Variants in HYCC1 observed in about 807,000 individuals in gnomAD.
The protein encoded by HYCC1 is hyccin PI4KA lipid kinase complex subunit 1, also known as hyccin.
the HYCC1 span, among the ~76,000 whole-genome samples, chr7:22,958,827 C>A: frequency 1.3e-5 from 2 of 151,992 alleles, no homozygotes; most frequent in Admixed American, 6.6e-5. Flanking sequence ...TCCCAAATTC[C>A]CAATATGTCT....
chr7:22,924,452 A>C, the HYCC1 span, among the ~76,000 whole-genome samples: 15 of 152,312 alleles, frequency 9.8e-5, no homozygotes, highest in African/African-American at 3.1e-4. Context: ...GGGGTGACAG[A>C]CGGTACCTGG....
the HYCC1 span, among the ~76,000 whole-genome samples, chr7:22,999,033 C>T: frequency 1.3e-5 from 2 of 152,136 alleles, no homozygotes; most frequent in Non-Finnish European, 2.9e-5. Flanking sequence ...GAAATGCATG[C>T]ATTGGCAAGG....
the HYCC1 span, among the ~76,000 whole-genome samples, chr7:22,963,601 T>C: frequency 6.6e-6 from 1 of 152,094 alleles, no homozygotes; most frequent in Non-Finnish European, 1.5e-5. Context: ...GGTCAGAAAA[T>C]TTTTTCTTAA....
the HYCC1 span, among the ~76,000 whole-genome samples, chr7:23,008,211 A>T: frequency 6.6e-6 from 1 of 152,112 alleles, no homozygotes; most frequent in South Asian, 2.1e-4. Context: ...GTTAGAAAAC[A>T]GTATACGAGA....
chr7:23,005,073 G>A, the HYCC1 span, among the ~76,000 whole-genome samples: 2 of 152,186 alleles, frequency 1.3e-5, no homozygotes, highest in Non-Finnish European at 2.9e-5. Flanking sequence ...CCAAAGTGCT[G>A]GGATTAAAGG....
the HYCC1 span, among the ~76,000 whole-genome samples, chr7:22,981,948 A>C: frequency 1.3e-5 from 2 of 152,228 alleles, no homozygotes; most frequent in Non-Finnish European, 2.9e-5. Flanking sequence ...AGCTATATTC[A>C]CTAGAGTTAT....
chr7:22,900,613 A>G, the HYCC1 span, among the ~76,000 whole-genome samples: 4 of 152,216 alleles, frequency 2.6e-5, no homozygotes, highest in African/African-American at 9.6e-5. Context: ...TTAAAATAGC[A>G]ATACAAAGAA....
At chr7:22,974,569 G>A in the HYCC1 span, among the ~76,000 whole-genome samples, 12 of 152,180 alleles carry the variant, frequency 7.9e-5, no homozygotes, top group Admixed American at 1.3e-4. Flanking sequence ...AAGACTTCAC[G>A]TCTCTATCTT....
At chr7:22,997,669 A>G in the HYCC1 span, among the ~76,000 whole-genome samples, 1 of 152,174 alleles carries the variant, frequency 6.6e-6, no homozygotes, top group Non-Finnish European at 1.5e-5. Flanking sequence ...GTTGCTTAAA[A>G]AGAAGTGTTG....
chr7:23,010,855 A>C, the HYCC1 span, among the ~76,000 whole-genome samples: 2 of 152,150 alleles, frequency 1.3e-5, no homozygotes, highest in Non-Finnish European at 2.9e-5. Flanking sequence ...TATAGCTATC[A>C]TTTTCTCCCT....
the HYCC1 span, among the ~76,000 whole-genome samples, chr7:23,011,190 A>G: frequency 6.6e-6 from 1 of 152,222 alleles, no homozygotes; most frequent in South Asian, 2.1e-4. Context: ...TACTTCTGCT[A>G]TTTATGAGAG....
the HYCC1 span, among the ~76,000 whole-genome samples, chr7:22,983,479 A>G: frequency 1.6e-4 from 25 of 152,244 alleles, no homozygotes; most frequent in Non-Finnish European, 2.6e-4. Flanking sequence ...TACTATCCCC[A>G]CTGCATGGAA....
At chr7:22,940,913 T>C in the HYCC1 span, 2 of 151,858 alleles carry the variant, frequency 1.3e-5, no homozygotes, top group Non-Finnish European at 2.9e-5. Flanking sequence ...TAGTTGGGAC[T>C]ACTACTCACC....
At chr7:22,945,676 G>A in the HYCC1 span, 33 of 1,613,646 alleles carry the variant, frequency 2.0e-5, no homozygotes, top group Middle Eastern at 4.9e-4. Flanking sequence ...TTTCTGAAAC[G>A]TAAATAAGCT....
At chr7:22,974,942 G>A in the HYCC1 span, among the ~76,000 whole-genome samples, 41 of 152,212 alleles carry the variant, frequency 2.7e-4, no homozygotes, top group East Asian at 7.7e-4. Flanking sequence ...CATGTAAGAC[G>A]TGCCTTTGTT....
At chr7:22,945,713 A>C in the HYCC1 span, 1 of 1,613,826 alleles carries the variant, frequency 6.2e-7, no homozygotes, top group Non-Finnish European at 8.5e-7. Context: ...ACAAGCGGAA[A>C]ACCTATTGGC....
the HYCC1 span, among the ~76,000 whole-genome samples, chr7:23,008,200 A>G: frequency 0.04 from 6,014 of 152,176 alleles, 188 homozygotes; most frequent in East Asian, 0.11. Flanking sequence ...TAAAATGACC[A>G]GTTAGAAAAC....
At chr7:22,961,182 TA>T in the HYCC1 span, 1 of 1,204,484 alleles carries the variant, frequency 8.3e-7, no homozygotes. Flanking sequence ...TTTATAGTTC[TA>T]AATTGAGAAA....
At chr7:22,950,528 T>C in the HYCC1 span, among the ~76,000 whole-genome samples, 2 of 151,918 alleles carry the variant, frequency 1.3e-5, no homozygotes, top group Non-Finnish European at 2.9e-5. Flanking sequence ...ACAGAAGACA[T>C]GAGAAGGGTA....
Sources: gnomAD v4.1 joint callset for allele counts (sites outside exome capture counted in the v4.1 genomes callset) on GRCh38, gnomAD v4.1.1 for gene constraint, MANE v1.5 for transcripts, NCBI Gene and HGNC (gene_info 2026-07-23, HGNC 2026-07-21) for gene names.